IL16: variants seen among roughly 807,000 people sequenced by gnomAD.
IL16 encodes interleukin 16, also known as pro-interleukin-16.
In IL16, 67 loss-of-function variants were observed where a neutral mutation model predicts 110.1. The ratio of observed to expected loss-of-function variants is 0.61; its 90% CI spans 0.50 to 0.75. The LOEUF (loss-of-function observed/expected upper bound fraction) is 0.75. IL16 is among the 30% of genes least tolerant of loss of function. The pLI is 0.00. For synonymous variants in IL16, 689 were observed against 662.9 expected (o/e 1.04, Z -0.61); for missense variants, 1,545 against 1,655.0 (o/e 0.93, Z 1.15).
In IL16 at chr15:81,282,513, CTG is replaced by C. The variant is rs374764675; in HGVS notation, c.1082-123_1082-122del. ...GCGGTGCCTGCACACAACGACTACT[CTG>C]TGAATACGGGTGGGATGAAAGCTGT... On this transcript the variant is annotated intron_variant, in intron 8 of 18. Transcript: ENST00000683961. The C allele has an allele frequency of 1.8e-5, 13 of 735,852 alleles. No homozygotes were observed. In the South Asian group the frequency reaches 2.0e-4, roughly 11 times the overall value. 45.6% of individuals were successfully genotyped at this position (735,852 alleles called of 1,614,324 possible). A position where few individuals can be genotyped will look rare whatever the true frequency, so the allele number is the denominator to read the frequency against.
At chr15:81,238,955 C>T (rs1391853954) in intron 2 of IL16, among the ~76,000 whole-genome samples, 1 of 151,302 alleles carries the variant, frequency 6.6e-6, no homozygotes. Context: ...TGACTTCTGA[C>T]CTTCATGTTT....
rs918305168 is a variant in IL16, at chr15:81,297,089, A to G, written c.2053+11A>G. On this transcript the variant is annotated intron_variant, in intron 13 of 18. Coordinates refer to ENST00000683961, the MANE Select transcript of IL16 (RefSeq NM_172217.5). ...GAAGAGCCAGCCCAGGTAAGCTTTC[A>G]TTGAGATCTTCCAAAAGGAAGGGTC... 34 of 1,601,134 alleles carry G rather than the reference A, an allele frequency of 2.1e-5. No homozygotes were observed. Among genetic ancestry groups the G allele is most frequent in the Non-Finnish European group, 2.3e-5 (27 of 1,174,784 alleles).
chr15:81,222,960 CATT>C (rs1407799754), intron 1 of IL16, among the ~76,000 whole-genome samples: 1 of 152,100 alleles, frequency 6.6e-6, no homozygotes, highest in Non-Finnish European at 1.5e-5. Flanking sequence ...GGCAGAGGAA[CATT>C]CACAATTTGC....
At position 81,300,800 on chromosome 15, in the gene IL16, T is replaced by C. The variant is rs117003935; in HGVS notation, c.3149+325T>C. 4.8e-3 allele frequency among the ~76,000 whole-genome samples: 735 copies of C among 152,298 alleles called. 7 individuals carry two copies. The highest frequency in any genetic ancestry group is 8.2e-3 in the Non-Finnish European group (558 of 68,034). ...CGCCTGTGGAGATTTGGAAGGTTGA[T>C]GCACATCTGAAATGTCCTGCGGTTA... is the stretch of plus-strand genomic sequence containing the variant. On this transcript the variant is annotated intron_variant, in intron 14 of 18. Transcript: ENST00000683961.
chr15:81,306,570 C>A, intron 18 of IL16, 25 bp downstream of exon 18: 1 of 1,608,716 alleles, frequency 6.2e-7, no homozygotes, highest in Non-Finnish European at 8.5e-7. Flanking sequence ...TGGTTCTTTG[C>A]GTGCTCTCCA....
Position 81,313,308 on chromosome 15 carries a change from A to G in IL16, c.*4510A>G. 1.9e-6 allele frequency: 3 copies of G among 1,580,132 alleles called. No homozygotes were observed. The highest frequency in any genetic ancestry group is 1.2e-5 in the South Asian group (1 of 84,726). ...CTGAAGGTTGGCATAAAACCGGGTC[A>G]TGCTGCGGGGGAAGAAGGAGTCCAC... is the stretch of plus-strand genomic sequence containing the variant. On this transcript the variant is annotated 3_prime_UTR_variant, in exon 19 of 19. Transcript: ENST00000683961.
chr15:81,204,749 TAAAAA>T (rs397969205), intron 1 of IL16, among the ~76,000 whole-genome samples: 1 of 118,204 alleles, frequency 8.5e-6, no homozygotes, highest in Admixed American at 8.2e-5. Context: ...ATAACAAAAT[TAAAAA>T]AAAAAAAGAA....
intron 2 of IL16, among the ~76,000 whole-genome samples, chr15:81,239,913 A>G (rs967202281): frequency 2.0e-5 from 3 of 152,198 alleles, no homozygotes; most frequent in African/African-American, 7.2e-5. Context: ...TTGTTTCCCA[A>G]GTCCTGAGGT....
In IL16 at chr15:81,300,279, A is replaced by G; in HGVS notation, c.2953A>G (p.Ser985Gly). 6.2e-7 allele frequency: 1 copy of G among 1,614,246 alleles called. No homozygotes were observed. Among genetic ancestry groups the G allele is most frequent in the Non-Finnish European group, 8.5e-7 (1 of 1,180,046 alleles). ...CETKLLDEKT[S>G]KLYSISSQVS... is the part of the protein sequence containing the mutation. ...GACGAAGCTACTTGACGAAAAGACC[A>G]GCAAACTCTATTCTATCAGCAGCCA... Residue 985 changes from serine to glycine, a missense_variant, in exon 14 of 19, where the codon AGC (serine) becomes GGC (glycine). Ser to Gly is a moderately conservative substitution (Grantham distance 56, BLOSUM62 0). This residue lies in a region of IL16 where 1,185 missense variants were observed against 1,238.8 expected (regional missense o/e 0.96). Transcript: ENST00000683961.
intron 16 of IL16, among the ~76,000 whole-genome samples, chr15:81,305,399 C>T (rs1231021734): frequency 6.6e-6 from 1 of 152,138 alleles, no homozygotes; most frequent in African/African-American, 2.4e-5. Context: ...TGTGGTGGCT[C>T]ATACCTGTAA....
At chr15:81,213,679 G>A (rs912000139) in intron 1 of IL16, among the ~76,000 whole-genome samples, 6 of 152,078 alleles carry the variant, frequency 3.9e-5, no homozygotes, top group Non-Finnish European at 7.4e-5. Context: ...TTGGTTTAAA[G>A]TCTGTTTTAA....
chr15:81,247,513 G>C (rs752737573), intron 2 of IL16, among the ~76,000 whole-genome samples: 1 of 152,002 alleles, frequency 6.6e-6, no homozygotes, highest in Non-Finnish European at 1.5e-5. Context: ...TTCTTTTCGA[G>C]TAACTACATA....
chr15:81,244,214 C>A (rs1278016272), intron 2 of IL16, among the ~76,000 whole-genome samples: 4 of 152,278 alleles, frequency 2.6e-5, no homozygotes, highest in African/African-American at 7.2e-5. Flanking sequence ...CTTCAACCAT[C>A]AAATACAACT....
intron 14 of IL16, 28 bp downstream of exon 14, chr15:81,300,503 T>C: frequency 7.0e-7 from 1 of 1,438,752 alleles, no homozygotes; most frequent in Non-Finnish European, 9.6e-7. Context: ...GTGTTTCTCT[T>C]TACCTTTCTC....
rs1896203161 is a variant in IL16 at position 81,210,630 on chromosome 15, A to T, written c.-102+13478A>T. Among the ~76,000 whole-genome samples the T allele has an allele frequency of 1.3e-5, 2 of 152,002 alleles. 1 individual carries two copies. Among genetic ancestry groups the T allele is most frequent in the Admixed American group, 1.3e-4 (2 of 15,252 alleles). On this transcript the variant is annotated intron_variant, in intron 1 of 18. Coordinates refer to ENST00000683961, the MANE Select transcript of IL16 (RefSeq NM_172217.5). ...TATTACAAGTGGGATTGTGTTCTTGATTTGACACTCAGCCTGGACATTATT... is the reference window on the plus strand; with the variant it reads ...TATTACAAGTGGGATTGTGTTCTTGTTTTGACACTCAGCCTGGACATTATT...
intron 2 of IL16, among the ~76,000 whole-genome samples, chr15:81,237,339 T>C (rs1246920234): frequency 3.3e-5 from 5 of 152,194 alleles, no homozygotes; most frequent in Non-Finnish European, 5.9e-5. Context: ...TAGGAGGAAT[T>C]TACTGTAACA....
At chr15:81,234,953 A>T (rs1444666795) in intron 2 of IL16, among the ~76,000 whole-genome samples, 1 of 152,196 alleles carries the variant, frequency 6.6e-6, no homozygotes, top group Non-Finnish European at 1.5e-5. Flanking sequence ...GTGTAGGAAA[A>T]GCCATTTCAT....
chr15:81,252,283 C>T (rs1897793738), intron 2 of IL16, among the ~76,000 whole-genome samples: 1 of 152,004 alleles, frequency 6.6e-6, no homozygotes, highest in South Asian at 2.1e-4. Flanking sequence ...AATGACATAC[C>T]AAGGGGTTTG....
At chr15:81,208,553 C>T (rs183071689) in intron 1 of IL16, among the ~76,000 whole-genome samples, 62 of 152,294 alleles carry the variant, frequency 4.1e-4, no homozygotes, top group Admixed American at 3.5e-3. Flanking sequence ...TAGATTCAAA[C>T]TCCTGACCTC....
Sources: gnomAD v4.1 joint callset for allele counts (sites outside exome capture counted in the v4.1 genomes callset) on GRCh38, gnomAD v4.1.1 for gene constraint, gnomAD v4.1.1 regional missense constraint, MANE v1.5 for transcripts, NCBI Gene and HGNC (gene_info 2026-07-23, HGNC 2026-07-21) for gene names.